Variants in NFX1 observed in about 807,000 individuals in gnomAD.
The protein encoded by NFX1 is nuclear transcription factor, X-box binding 1, also known as transcriptional repressor NF-X1.
A neutral mutation model predicts 137.2 loss-of-function variants in NFX1; 69 were observed. The ratio of observed to expected loss-of-function variants is 0.50; its 90% CI spans 0.41 to 0.61. The LOEUF (loss-of-function observed/expected upper bound fraction) is 0.61, where lower values mean the gene tolerates loss of function less well. Among genes scored for constraint, NFX1 ranks in the 20% least tolerant of loss-of-function variants. The probability of loss-of-function intolerance (pLI) is 0.00; values close to 1 mark genes in which losing one functional copy is unlikely to be tolerated. For missense variants in NFX1, 1,167 were observed against 1,391.0 expected (o/e 0.84, Z 2.56); for synonymous variants, 495 against 474.1 (o/e 1.04, Z -0.57).
intron 21 of NFX1, 52 bp from the exon 22 acceptor site, chr9:33,366,577 A>T: frequency 6.2e-7 from 1 of 1,601,854 alleles, no homozygotes; most frequent in Non-Finnish European, 8.5e-7. Context: ...AGTTGTAAGC[A>T]TTTTGTTTTC....
At chr9:33,357,635 G>C (rs1257682817) in intron 19 of NFX1, among the ~76,000 whole-genome samples, 1 of 151,786 alleles carries the variant, frequency 6.6e-6, no homozygotes, top group East Asian at 1.9e-4. Flanking sequence ...GGGCTCAAGG[G>C]ATCCTCGTGC....
intron 9 of NFX1, 87 bp downstream of exon 9, chr9:33,319,214 C>A (rs1014512345): frequency 2.7e-6 from 3 of 1,103,076 alleles, no homozygotes; most frequent in Non-Finnish European, 4.0e-6. Context: ...GAAGTAAGTG[C>A]TAGTTACAAT....
Position 33,294,841 on chromosome 9 carries a change from T to C in NFX1, c.447T>C (p.His149=). The change falls in exon 2 of 24, where the codon CAT becomes CAC. Residue 149 remains histidine (H), a synonymous_variant. Transcript: ENST00000379540. The part of the protein sequence containing the change: ...RSESGTDLRE[H]SPSESEKEVV... The stretch of plus-strand genomic sequence containing the variant: ...AGAGTGGGACAGACCTCAGAGAGCA[T>C]AGTCCTTCTGAGAGTGAGAAGGAAG... 6.2e-7 allele frequency: 1 copy of C among 1,614,028 alleles called. No homozygotes were observed. Among genetic ancestry groups the C allele is most frequent in the Non-Finnish European group, 8.5e-7 (1 of 1,180,022 alleles).
chr9:33,340,013 C>T (rs1487723552), intron 12 of NFX1, among the ~76,000 whole-genome samples: 1 of 152,242 alleles, frequency 6.6e-6, no homozygotes, highest in Non-Finnish European at 1.5e-5. Context: ...TCCAGGCACA[C>T]AGTGCAAGCT....
At chr9:33,322,396 A>T (rs576138107) in intron 9 of NFX1, among the ~76,000 whole-genome samples, 1 of 152,182 alleles carries the variant, frequency 6.6e-6, no homozygotes, top group East Asian at 1.9e-4. Flanking sequence ...GGACAAGAAG[A>T]TGGGGCTTCT....
chr9:33,354,937 CTG>C (rs961773924), intron 19 of NFX1, 45 bp downstream of exon 19: 3 of 1,598,942 alleles, frequency 1.9e-6, no homozygotes, highest in Non-Finnish European at 2.6e-6. Flanking sequence ...CCCTTGAGCT[CTG>C]TGAAATTAAT....
intron 11 of NFX1, among the ~76,000 whole-genome samples, chr9:33,333,789 C>T (rs590132): frequency 0.025 from 3,845 of 152,166 alleles, 167 homozygotes; most frequent in African/African-American, 0.087. Context: ...GCCTCAAAAC[C>T]GTATTTAAAC....
At chr9:33,325,992 G>A (rs186352949) in intron 9 of NFX1, among the ~76,000 whole-genome samples, 8 of 152,286 alleles carry the variant, frequency 5.3e-5, no homozygotes, top group African/African-American at 1.9e-4. Flanking sequence ...ACCTGTAGAA[G>A]TATATTTGAT....
intron 9 of NFX1, among the ~76,000 whole-genome samples, chr9:33,320,813 A>G (rs1292785371): frequency 1.3e-5 from 2 of 152,228 alleles, no homozygotes; most frequent in African/African-American, 4.8e-5. Context: ...TAAAGCTAGA[A>G]TCTTTAGGTT....
chr9:33,364,904 C>G, intron 21 of NFX1, 130 bp downstream of exon 21: 1 of 1,491,966 alleles, frequency 6.7e-7, no homozygotes, highest in Non-Finnish European at 8.9e-7. Flanking sequence ...CTTTGAGGAT[C>G]CTTATCTTTC....
At chr9:33,342,701 A>G in intron 12 of NFX1, 45 bp from the exon 13 acceptor site, 1 of 1,323,336 alleles carries the variant, frequency 7.6e-7, no homozygotes, top group Non-Finnish European at 1.0e-6. Context: ...TGGAAAATAT[A>G]AAATGAAGAC....
At chr9:33,321,861 A>G (rs1039417416) in intron 9 of NFX1, among the ~76,000 whole-genome samples, 2 of 151,436 alleles carry the variant, frequency 1.3e-5, no homozygotes, top group African/African-American at 4.9e-5. Context: ...CTAGGCTGAC[A>G]GAGTGAGACC....
At chr9:33,355,177 A>C (rs1823769019) in intron 19 of NFX1, among the ~76,000 whole-genome samples, 1 of 152,212 alleles carries the variant, frequency 6.6e-6, no homozygotes, top group African/African-American at 2.4e-5. Flanking sequence ...CCTGACTCAG[A>C]GATAAGAGGT....
intron 5 of NFX1, among the ~76,000 whole-genome samples, chr9:33,308,301 C>T (rs1726135331): frequency 6.6e-6 from 1 of 152,062 alleles, no homozygotes. Flanking sequence ...AATTAGCCAG[C>T]TGTGGTGGCA....
chr9:33,320,175 A>G (rs575096048), intron 9 of NFX1, among the ~76,000 whole-genome samples: 3 of 151,000 alleles, frequency 2.0e-5, no homozygotes, highest in Non-Finnish European at 4.4e-5. Context: ...ATGTTGGCCA[A>G]GCTGGTCTTG....
chr9:33,348,622 G>A (rs1823522937), intron 15 of NFX1: 1 of 323,276 alleles, frequency 3.1e-6, no homozygotes, highest in Non-Finnish European at 4.5e-6. Flanking sequence ...TGTGCTGTTG[G>A]AAAAGTGGAA....
chr9:33,359,425 C>T (rs926307738), intron 19 of NFX1, among the ~76,000 whole-genome samples: 1 of 151,954 alleles, frequency 6.6e-6, no homozygotes, highest in East Asian at 1.9e-4. Context: ...ATGGTGAAAC[C>T]CTGTCTCTAC....
intron 11 of NFX1, among the ~76,000 whole-genome samples, chr9:33,336,904 C>T (rs1202210338): frequency 6.6e-6 from 1 of 152,192 alleles, no homozygotes; most frequent in Non-Finnish European, 1.5e-5. Context: ...GAGTTCAAGA[C>T]TAGCCTGGCC....
chr9:33,317,756 AC>A (rs1363098290), intron 7 of NFX1, among the ~76,000 whole-genome samples: 1 of 151,814 alleles, frequency 6.6e-6, no homozygotes, highest in African/African-American at 2.4e-5. Flanking sequence ...CAGGTGGATC[AC>A]CTGAGCTCAG....
Sources: allele counts gnomAD v4.1 joint callset (sites outside exome capture counted in the v4.1 genomes callset), GRCh38; gene constraint gnomAD v4.1.1; transcripts MANE v1.5; gene names NCBI Gene and HGNC (gene_info 2026-07-23, HGNC 2026-07-21).